The following SP140 variants were observed in gnomAD, a reference collection of about 807,000 sequenced individuals.
The protein encoded by SP140 is SP140 nuclear body protein, also known as nuclear body protein SP140.
A neutral mutation model predicts 125.0 loss-of-function variants in SP140; 81 were observed. The observed-to-expected ratio is 0.65, with a 90% CI of 0.54 to 0.78. SP140 has a LOEUF of 0.78. SP140 is among the 30% of genes least tolerant of loss of function. The pLI is 0.00. For missense variants in SP140, 858 were observed against 1,037.0 expected, an observed-to-expected ratio of 0.83 and a Z score of 2.37; for synonymous variants, 312 against 354.0, an observed-to-expected ratio of 0.88 and a Z score of 1.33.
In SP140 at chr2:230,247,935, G is replaced by A. The variant is rs372050071; in HGVS notation, c.762G>A (p.Met254Ile). ...CCCTAGTTCTAGAAAGCAACGGGAT[G>A]ATAGATGCGGCAAGGACATACAGCA... ...YDTEVLESNGMIDAARTYSTA... is the reference protein window; with the variant it reads ...YDTEVLESNGIIDAARTYSTA... Residue 254 changes from methionine (M) to isoleucine (I), a missense_variant, in exon 8 of 27, where the codon ATG becomes ATA. By Grantham distance (10) the Met-to-Ile change is conservative (BLOSUM62 1). Coordinates refer to ENST00000392045, the MANE Select transcript of SP140 (RefSeq NM_007237.5). 8 of 1,613,612 alleles carry A rather than the reference G, an allele frequency of 5.0e-6. No individual in the cohort carries two copies. The African/African-American group carries it at 1.1e-4, about 22-fold the overall frequency.
Position 230,255,500 on chromosome 2 carries a change from A to T in SP140, c.1208A>T (p.Glu403Val). 1 of 1,612,900 alleles carries T rather than the reference A, an allele frequency of 6.2e-7. No homozygotes were observed. ...SEMCDGEERQ[E>V]ASSSLARRGS... Reference sequence around the variant, plus strand: ...ATGTGTGATGGAGAAGAGCGCCAGGAAGCCTCTAGCTCCCTAGCAAGACGT... The same window carrying T: ...ATGTGTGATGGAGAAGAGCGCCAGGTAGCCTCTAGCTCCCTAGCAAGACGT... The change falls in exon 12 of 27, where the codon GAA (glutamate) becomes GTA (valine). Residue 403 changes from glutamate to valine, a missense_variant. Around this residue, in one of 4 missense-constraint regions of SP140, gnomAD observed 791 missense variants for 869.5 expected, o/e 0.91. Transcript: ENST00000392045.
At chr2:230,244,380 A>G (rs1379784625) in intron 5 of SP140, among the ~76,000 whole-genome samples, 1 of 152,224 alleles carries the variant, frequency 6.6e-6, no homozygotes, top group African/African-American at 2.4e-5. Context: ...TAGTCAAGCA[A>G]GAACATGACC....
In SP140 at chr2:230,255,549, G is replaced by A. The variant is rs200013241; in HGVS notation, c.1240+17G>A. The stretch of plus-strand genomic sequence containing the variant: ...GTGGGTCAGGTAAGGACGGGGGGGG[G>A]GATTTCTGGCCCTGGGCTGCAGAGT... On this transcript the variant is annotated intron_variant, in intron 12 of 26. Coordinates refer to ENST00000392045, the MANE Select transcript of SP140 (RefSeq NM_007237.5). 5.6e-6 allele frequency: 9 copies of A among 1,597,400 alleles called. No individual in the cohort carries two copies. Among genetic ancestry groups the A allele is most frequent in the South Asian group, 4.4e-5 (4 of 89,898 alleles).
chr2:230,267,872 G>C (rs1301188519), intron 12 of SP140, among the ~76,000 whole-genome samples: 1 of 152,132 alleles, frequency 6.6e-6, no homozygotes, highest in Non-Finnish European at 1.5e-5. Flanking sequence ...CAAGACACTA[G>C]GTGCCCTCAT....
chr2:230,257,682 G>C (rs942087906), intron 12 of SP140, among the ~76,000 whole-genome samples: 5 of 152,158 alleles, frequency 3.3e-5, no homozygotes, highest in Non-Finnish European at 5.9e-5. Flanking sequence ...CAAGAGAGTT[G>C]CTTGAACCCG....
chr2:230,203,634 T>C (rs916668361), intron 1 of SP140: 11 of 151,806 alleles, frequency 7.2e-5, no homozygotes, highest in East Asian at 1.9e-4. Context: ...GGGTTTTTTT[T>C]CTGCATAACT....
upstream of SP140, chr2:230,200,914 G>A (rs59573011): frequency 2.8e-3 from 4,455 of 1,613,672 alleles, 105 homozygotes; most frequent in African/African-American, 0.052. Flanking sequence ...TGTACTAGGC[G>A]TCTTCTGGGA....
At chr2:230,213,042 G>A in intron 1 of SP140, 4 of 1,613,374 alleles carry the variant, frequency 2.5e-6, no homozygotes, top group South Asian at 2.2e-5. Flanking sequence ...GATTGGTGAA[G>A]GGACACACAT....
At chr2:230,196,431 T>C in the SP140 span, among the ~76,000 whole-genome samples, 2 of 152,094 alleles carry the variant, frequency 1.3e-5, no homozygotes, top group African/African-American at 2.4e-5. Context: ...ATAGACTATA[T>C]AGTATGAGCT....
chr2:230,229,119 T>G (rs1443673798), intron 1 of SP140, among the ~76,000 whole-genome samples: 1 of 152,076 alleles, frequency 6.6e-6, no homozygotes, highest in African/African-American at 2.4e-5. Context: ...ATGCCCATTT[T>G]AAATTACACT....
chr2:230,309,187 G>A (rs1396538677), intron 22 of SP140, among the ~76,000 whole-genome samples: 1 of 152,172 alleles, frequency 6.6e-6, no homozygotes, highest in Non-Finnish European at 1.5e-5. Context: ...TCTTTTATGG[G>A]CCCAGGAAAT....
At chr2:230,286,733 G>T (rs1232348873) in intron 17 of SP140, among the ~76,000 whole-genome samples, 3 of 152,162 alleles carry the variant, frequency 2.0e-5, no homozygotes, top group African/African-American at 7.2e-5. Flanking sequence ...TATGTGGCCT[G>T]GTGCATTGTC....
intron 1 of SP140, chr2:230,212,485 G>A: frequency 7.2e-7 from 1 of 1,387,490 alleles, no homozygotes; most frequent in Non-Finnish European, 1.0e-6. Context: ...TCAGGGAGAA[G>A]AGTGAATGTT....
chr2:230,199,335 T>G (rs372478570), upstream of SP140, among the ~76,000 whole-genome samples: 498 of 149,286 alleles, frequency 3.3e-3, 3 homozygotes, highest in African/African-American at 0.012. Flanking sequence ...CAGCCTCCCA[T>G]GTAGCTGGGA....
intron 12 of SP140, among the ~76,000 whole-genome samples, chr2:230,257,690 C>T (rs2051463437): frequency 6.6e-6 from 1 of 152,152 alleles, no homozygotes; most frequent in South Asian, 2.1e-4. Flanking sequence ...TTGCTTGAAC[C>T]CGGGATGTGG....
rs544920927 is a variant in SP140, at chr2:230,263,999, G to T, written c.1241-5533G>T. On this transcript the variant is annotated intron_variant, in intron 12 of 26. Coordinates refer to ENST00000392045, the MANE Select transcript of SP140 (RefSeq NM_007237.5). ...TTCCCTGGTGTTCTTTGTGCTTCTT[G>T]TATTTGGATGTCTAGGTCTCTAGCA... Among the ~76,000 whole-genome samples, 5 of 152,218 alleles carry T rather than the reference G, an allele frequency of 3.3e-5. No homozygotes were observed. The South Asian group carries it at 8.3e-4, about 25-fold the overall frequency.
At chr2:230,303,572 A>G (rs1036235380) in intron 22 of SP140, among the ~76,000 whole-genome samples, 25 of 152,208 alleles carry the variant, frequency 1.6e-4, no homozygotes, top group African/African-American at 6.0e-4. Flanking sequence ...TGAAGCCAGT[A>G]TCACCCTAAT....
At chr2:230,194,099 T>C in the SP140 span, among the ~76,000 whole-genome samples, 301 of 152,196 alleles carry the variant, frequency 2.0e-3, 1 homozygote, top group Admixed American at 3.8e-3. Flanking sequence ...ACTTTCCTTC[T>C]AGGCCAAACC....
intron 3 of SP140, chr2:230,239,063 C>A: frequency 2.2e-6 from 3 of 1,387,136 alleles, no homozygotes; most frequent in South Asian, 3.5e-5. Flanking sequence ...GAATAAAGGG[C>A]ATTTAAACGG....
Sources: gnomAD v4.1 joint callset for allele counts (sites outside exome capture counted in the v4.1 genomes callset) on GRCh38, gnomAD v4.1.1 for gene constraint, gnomAD v4.1.1 regional missense constraint, MANE v1.5 for transcripts, NCBI Gene and HGNC (gene_info 2026-07-23, HGNC 2026-07-21) for gene names.